EP400: variants seen among roughly 807,000 people sequenced by gnomAD.
EP400 encodes E1A binding protein p400.
A neutral mutation model predicts 354.1 loss-of-function variants in EP400; 105 were observed. The observed-to-expected ratio is 0.30, with a 90% confidence interval of 0.25 to 0.35. The LOEUF (loss-of-function observed/expected upper bound fraction) is 0.35, where lower values mean the gene tolerates loss of function less well. Ranked by LOEUF, EP400 falls within the 10% of genes least tolerant of loss-of-function variation. The pLI is 1.00. For synonymous variants in EP400, 1,646 were observed against 1,716.9 expected (o/e 0.96, Z 1.02); for missense variants, 3,280 against 4,121.0 (o/e 0.80, Z 5.59).
In EP400 at chr12:132,075,136, A is replaced by G. The variant is rs993777736; in HGVS notation, c.9022-1380A>G. 6.6e-6 allele frequency among the ~76,000 whole-genome samples: 1 copy of G among 151,768 alleles called. No homozygotes were observed. The highest frequency in any genetic ancestry group is 1.5e-5 in the Non-Finnish European group (1 of 67,910). On this transcript the variant is annotated intron_variant, in intron 51 of 52. Coordinates refer to ENST00000389561, the MANE Select transcript of EP400 (RefSeq NM_015409.5). The surrounding 1 kb of genome is among the most constrained non-coding windows in gnomAD (Gnocchi z 4.5). ...TTACAGATGCCACTGGAGGAAGGGG[A>G]TGCTTTCTTTGCAGCCTTTGGGTAC... is the stretch of plus-strand genomic sequence containing the variant.
rs1894367768 is a variant in EP400, at chr12:132,028,079, C to T, written c.5172C>T (p.Arg1724=). The part of the protein sequence containing the change: ...LDQIYLVNER[R]CSQAPVYGRD... ...AGATTTATTTAGTCAACGAGCGGCG[C>T]TGTTCTCAAGCTCCAGTCTATGGCA... Residue 1724 remains arginine, a synonymous_variant, in exon 27 of 53, where the codon CGC becomes CGT. Transcript: ENST00000389561. 1.2e-6 allele frequency: 2 copies of T among 1,614,090 alleles called. No individual in the cohort carries two copies. Among genetic ancestry groups the T allele is most frequent in the African/African-American group, 2.7e-5 (2 of 74,928 alleles).
chr12:132,023,299 A>ATTTTTTTTTTTT (rs767816284), intron 23 of EP400, among the ~76,000 whole-genome samples: 3 of 71,042 alleles, frequency 4.2e-5, no homozygotes, highest in Non-Finnish European at 5.0e-5. Context: ...TGCCCAGCTA[A>ATTTTTTTTTTTT]TTTTTTTTTT....
chr12:132,077,370 C>T, intron 52 of EP400, 31 bp from the exon 53 acceptor site: 6 of 1,593,874 alleles, frequency 3.8e-6, no homozygotes, highest in South Asian at 1.1e-5. Context: ...GTTTCCTGGG[C>T]AATGTGTGTT....
intron 2 of EP400, among the ~76,000 whole-genome samples, chr12:131,974,391 C>T (rs1892397862): frequency 6.6e-6 from 1 of 152,150 alleles, no homozygotes; most frequent in South Asian, 2.1e-4. Context: ...GCTGGAATTA[C>T]AGGCATGAGC....
chr12:131,969,334 C>T (rs1000504143), intron 2 of EP400, among the ~76,000 whole-genome samples: 2 of 152,162 alleles, frequency 1.3e-5, no homozygotes, highest in African/African-American at 4.8e-5. Flanking sequence ...CACAGATCTT[C>T]AGTGTTAACA....
At chr12:131,985,424 G>C (rs992340628) in intron 5 of EP400, among the ~76,000 whole-genome samples, 1 of 152,104 alleles carries the variant, frequency 6.6e-6, no homozygotes, top group Non-Finnish European at 1.5e-5. Flanking sequence ...GCAGACCCAC[G>C]TCGTGGGACG....
intron 2 of EP400, chr12:131,963,489 TA>T (rs777797882): frequency 3.3e-5 from 49 of 1,480,310 alleles, no homozygotes; most frequent in Non-Finnish European, 4.5e-5. Context: ...TGAGCAGTTG[TA>T]AAAATTATGT....
chr12:132,076,067 C>T (rs1229237737), intron 51 of EP400: 1 of 218,588 alleles, frequency 4.6e-6, no homozygotes, highest in Non-Finnish European at 9.4e-6. Flanking sequence ...TTACCAGCCT[C>T]AAAACCTTGG....
intron 22 of EP400, 40 bp downstream of exon 22, chr12:132,020,258 GT>G: frequency 2.0e-6 from 3 of 1,530,752 alleles, no homozygotes; most frequent in East Asian, 2.4e-5. Flanking sequence ...CCTTATGGAG[GT>G]TTTTGTGGGA....
chr12:132,065,207 T>A, intron 48 of EP400: 1 of 433,014 alleles, frequency 2.3e-6, no homozygotes, highest in South Asian at 3.3e-5. Context: ...GACCAAGGCC[T>A]GTGTGGCTGG....
intron 2 of EP400, among the ~76,000 whole-genome samples, chr12:131,972,055 A>G (rs1258414110): frequency 2.6e-5 from 4 of 152,176 alleles, no homozygotes; most frequent in Non-Finnish European, 4.4e-5. Context: ...GGCAGGTGAC[A>G]GTGGATGTCT....
At chr12:132,048,078 CT>C (rs1302382866) in intron 39 of EP400, among the ~76,000 whole-genome samples, 2 of 152,150 alleles carry the variant, frequency 1.3e-5, no homozygotes, top group African/African-American at 2.4e-5. Flanking sequence ...TTATTCTGTT[CT>C]TTTTTTGAGG....
chr12:132,015,994 C>G (rs1268097325), intron 19 of EP400, among the ~76,000 whole-genome samples: 1 of 152,146 alleles, frequency 6.6e-6, no homozygotes, highest in Non-Finnish European at 1.5e-5. Flanking sequence ...GCCCAGACCC[C>G]CCTGTGCTTG....
At chr12:132,074,307 A>G (rs1003944831) in intron 51 of EP400, among the ~76,000 whole-genome samples, 3 of 152,144 alleles carry the variant, frequency 2.0e-5, no homozygotes, top group African/African-American at 7.2e-5. Flanking sequence ...GTGTCTGTCC[A>G]GCGTTTCTCT....
chr12:131,964,336 G>A (rs183694321), intron 2 of EP400, among the ~76,000 whole-genome samples: 21 of 152,262 alleles, frequency 1.4e-4, no homozygotes, highest in Admixed American at 1.2e-3. Flanking sequence ...GCATGGTGGT[G>A]CATGCCTATA....
intron 23 of EP400, 80 bp from the exon 24 acceptor site, chr12:132,023,697 C>T (rs1894203545): frequency 4.8e-6 from 7 of 1,451,654 alleles, no homozygotes; most frequent in African/African-American, 2.9e-5. Context: ...TCATTATATA[C>T]AAGAAACGAC....
Position 132,013,572 on chromosome 12 carries a change from G to A in EP400, c.3694G>A (p.Gly1232Arg), listed in dbSNP as rs1186887583. 2 of 1,613,808 alleles carry A rather than the reference G, an allele frequency of 1.2e-6. No individual in the cohort carries two copies. The highest frequency in any genetic ancestry group is 1.1e-5 in the South Asian group (1 of 91,028). The stretch of plus-strand genomic sequence containing the variant: ...GACCATGGTGCACTTCCTGGTCCCA[G>A]GGATCTCCAGGCCCTACCTGAGCTC... Reference protein sequence around the residue: ...LWTMVHFLVPGISRPYLSSPL... With the variant: ...LWTMVHFLVPRISRPYLSSPL... The change falls in exon 18 of 53, where the codon GGG becomes AGG. Residue 1232 changes from glycine to arginine, a missense_variant. Physicochemically the swap from Gly to Arg is moderately radical, Grantham distance 125. Transcript: ENST00000389561. This position sits in a 1 kb window ranked among gnomAD's most constrained non-coding sequence, Gnocchi z 4.5.
rs1220968435 is a variant in EP400, at chr12:132,045,569, G to T, written c.7026+9G>T. The stretch of plus-strand genomic sequence containing the variant: ...ACTGGGCGCTGCTGCAGGTAGGTGG[G>T]CGTGGTCTTTGTGCCAGCGGTCATG... On this transcript the variant is annotated intron_variant, in intron 38 of 52. Coordinates refer to ENST00000389561, the MANE Select transcript of EP400 (RefSeq NM_015409.5). 2 of 1,613,336 alleles carry T rather than the reference G, an allele frequency of 1.2e-6. No homozygotes were observed. Among genetic ancestry groups the T allele is most frequent in the Non-Finnish European group, 1.7e-6 (2 of 1,179,426 alleles).
intron 45 of EP400, among the ~76,000 whole-genome samples, chr12:132,058,550 C>T (rs1895589442): frequency 6.6e-6 from 1 of 151,972 alleles, no homozygotes; most frequent in Non-Finnish European, 1.5e-5. Flanking sequence ...CGGGGTTTCA[C>T]CATCTTGGCC....
Sources: gnomAD v4.1 joint callset for allele counts (sites outside exome capture counted in the v4.1 genomes callset) on GRCh38, gnomAD v4.1.1 for gene constraint, Gnocchi (gnomAD v3.1) non-coding constraint, MANE v1.5 for transcripts, NCBI Gene and HGNC (gene_info 2026-07-23, HGNC 2026-07-21) for gene names.